Variants in CYP4B1 observed in about 807,000 individuals in gnomAD.
CYP4B1 encodes cytochrome P450 4B1.
A neutral mutation model predicts 54.0 loss-of-function variants in CYP4B1; 45 were observed. The observed-to-expected ratio is 0.83, with a 90% CI of 0.66 to 1.07. The LOEUF is 1.07. Ranked by LOEUF, CYP4B1 falls within the 50% of genes least tolerant of loss-of-function variation. The pLI is 0.00. For missense variants in CYP4B1, 656 were observed against 655.4 expected (o/e 1.00, Z -0.01); for synonymous variants, 248 against 247.5 (o/e 1.00, Z -0.02).
intron 8 of CYP4B1, among the ~76,000 whole-genome samples, chr1:46,816,321 A>G (rs1405027297): frequency 1.3e-5 from 2 of 152,156 alleles, no homozygotes; most frequent in Non-Finnish European, 1.5e-5. Context: ...AATTCAGGCA[A>G]AGAGAGAGAG....
At position 46,799,276 on chromosome 1, in the gene CYP4B1, G is replaced by T; in HGVS notation, c.180+15G>T. The T allele has an allele frequency of 6.4e-7, 1 of 1,563,530 alleles. No homozygotes were observed. Among genetic ancestry groups the T allele is most frequent in the East Asian group, 2.4e-5 (1 of 42,414 alleles). On this transcript the variant is annotated intron_variant, in intron 1 of 11. Transcript: ENST00000371923. ...ATGCCCTCGAGGTATGTGGAGGTCG[G>T]GAGGGTGGGGGAGAAAGAAAACATC...
intron 1 of CYP4B1, among the ~76,000 whole-genome samples, chr1:46,808,683 G>A (rs965394079): frequency 7.3e-5 from 11 of 150,678 alleles, no homozygotes; most frequent in Non-Finnish European, 1.5e-4. Context: ...TGTTTATTGC[G>A]GCATTATTCA....
At chr1:46,807,973 G>A (rs1678927100) in intron 1 of CYP4B1, among the ~76,000 whole-genome samples, 1 of 152,218 alleles carries the variant, frequency 6.6e-6, no homozygotes, top group South Asian at 2.1e-4. Flanking sequence ...CTGAGACTGG[G>A]TAAAAGGTTT....
intron 1 of CYP4B1, among the ~76,000 whole-genome samples, chr1:46,804,798 C>T (rs533842985): frequency 6.6e-6 from 1 of 152,212 alleles, no homozygotes; most frequent in Admixed American, 6.5e-5. Context: ...TTTTGAGAAG[C>T]AGATTGTGGC....
Position 46,818,774 on chromosome 1 carries a change from A to C in CYP4B1, c.1499A>C (p.His500Pro), listed in dbSNP as rs1354849650. 1 of 1,613,762 alleles carries C rather than the reference A, an allele frequency of 6.2e-7. No homozygotes were observed. Among genetic ancestry groups the C allele is most frequent in the Non-Finnish European group, 8.5e-7 (1 of 1,179,990 alleles). Residue 500 changes from histidine to proline, a missense_variant, in exon 12 of 12, where the codon CAC (histidine) becomes CCC (proline). Physicochemically the swap from His to Pro is moderately conservative, Grantham distance 77 (BLOSUM62 -2). Coordinates refer to ENST00000371923, the MANE Select transcript of CYP4B1 (RefSeq NM_001099772.2). ...QLVLRSKNGFHLHLKPLGPGS... is the reference protein window; with the variant it reads ...QLVLRSKNGFPLHLKPLGPGS... ...GTCCTGCGCTCCAAGAATGGCTTTC[A>C]CCTCCACCTGAAGCCACTGGGCCCT...
intron 4 of CYP4B1, 26 bp downstream of exon 4, chr1:46,812,649 G>A (rs1476332319): frequency 6.2e-7 from 1 of 1,607,874 alleles, no homozygotes. Flanking sequence ...CAGAGTACTG[G>A]AGGCTGTTGC....
At chr1:46,810,761 G>C (rs772217400) in intron 1 of CYP4B1, 47 bp from the exon 2 acceptor site, 36 of 1,611,070 alleles carry the variant, frequency 2.2e-5, no homozygotes, top group Admixed American at 1.7e-5. Context: ...GGCCTAGCTG[G>C]TGACAATGTG....
chr1:46,814,686 A>C, intron 7 of CYP4B1: 1 of 330,676 alleles, frequency 3.0e-6, no homozygotes, highest in South Asian at 4.4e-5. Context: ...ACTCTGGGTC[A>C]TTTCCGTGCT....
chr1:46,808,697 T>C (rs921166587), intron 1 of CYP4B1, among the ~76,000 whole-genome samples: 2 of 151,124 alleles, frequency 1.3e-5, no homozygotes, highest in African/African-American at 2.4e-5. Context: ...TTATTCACAA[T>C]AGCAAAGACT....
chr1:46,808,002 C>G (rs1381921417), intron 1 of CYP4B1, among the ~76,000 whole-genome samples: 1 of 152,218 alleles, frequency 6.6e-6, no homozygotes, highest in Non-Finnish European at 1.5e-5. Context: ...CACAGTTCCA[C>G]AGGCTGTACA....
chr1:46,817,266 T>G (rs541584961), intron 9 of CYP4B1, 85 bp downstream of exon 9: 42 of 1,554,212 alleles, frequency 2.7e-5, no homozygotes, highest in Admixed American at 3.6e-5. Context: ...ATCTTTGCAC[T>G]TTTGGGGAAG....
intron 11 of CYP4B1, among the ~76,000 whole-genome samples, chr1:46,818,422 C>A (rs1679424322): frequency 6.6e-6 from 1 of 152,150 alleles, no homozygotes; most frequent in Non-Finnish European, 1.5e-5. Context: ...CAAGAGAGAA[C>A]CCCATGCCAG....
intron 8 of CYP4B1, among the ~76,000 whole-genome samples, 194 bp from the exon 9 acceptor site, chr1:46,816,854 G>A (rs1235874255): frequency 6.6e-6 from 1 of 152,172 alleles, no homozygotes; most frequent in Admixed American, 6.5e-5. Context: ...ATGGAGAAAA[G>A]TGGAACCAGA....
chr1:46,815,320 C>T, intron 8 of CYP4B1, 56 bp downstream of exon 8: 4 of 1,460,462 alleles, frequency 2.7e-6, no homozygotes, highest in Non-Finnish European at 3.7e-6. Context: ...AGGGCGATGC[C>T]CATCCTGTCC....
In CYP4B1 at chr1:46,814,049, C is replaced by T. The variant is rs760285398; in HGVS notation, c.761C>T (p.Ala254Val). Residue 254 changes from alanine (A) to valine (V), a missense_variant, in exon 6 of 12, where the codon GCC becomes GTC. Transcript: ENST00000371923. ...GRRFLRACQV[A>V]HDHTDQVIRE... ...CGCTTCCTGCGGGCCTGCCAGGTGG[C>T]CCATGACCATACAGGTGGGCCTTTC... 6.2e-7 allele frequency: 1 copy of T among 1,614,110 alleles called. No individual in the cohort carries two copies. Among genetic ancestry groups the T allele is most frequent in the South Asian group, 1.1e-5 (1 of 91,078 alleles).
In CYP4B1 at chr1:46,799,128, G is replaced by A. The variant is rs1164911847; in HGVS notation, c.47G>A (p.Trp16Ter). The stretch of plus-strand genomic sequence containing the variant: ...CTGAGCTTCTCCTCCTTGGGCCTGT[G>A]GGCTTCTGGGCTGATCTTGGTCTTA... The part of the protein sequence containing the change: ...LSLSFSSLGL[W>*]ASGLILVLGF... Residue 16 changes from tryptophan (W) to a stop codon, truncating the protein, a stop_gained, in exon 1 of 12, where the codon TGG becomes TAG. Transcript: ENST00000371923. LOFTEE classifies it high-confidence loss of function. 1 of 1,613,832 alleles carries A rather than the reference G, an allele frequency of 6.2e-7. No homozygotes were observed. Among genetic ancestry groups the A allele is most frequent in the Non-Finnish European group, 8.5e-7 (1 of 1,179,974 alleles).
chr1:46,809,144 A>AC (rs1678987446), intron 1 of CYP4B1, among the ~76,000 whole-genome samples: 5 of 147,182 alleles, frequency 3.4e-5, no homozygotes, highest in Admixed American at 3.4e-4. Flanking sequence ...AAACAAACAA[A>AC]AAACAAAAAA....
At position 46,814,286 on chromosome 1, in the gene CYP4B1, G is replaced by A. The variant is rs750642727; in HGVS notation, c.853G>A (p.Asp285Asn). 16 of 1,613,964 alleles carry A rather than the reference G, an allele frequency of 9.9e-6. No individual in the cohort carries two copies. The highest frequency in any genetic ancestry group is 1.3e-5 in the Non-Finnish European group (15 of 1,180,010). ...RKKIQNRRHL[D>N]FLDILLGARD... ...GAAGATCCAGAACCGGAGGCACCTGGACTTCCTGGACATTCTCCTGGGTGC... is the reference window on the plus strand; with the variant it reads ...GAAGATCCAGAACCGGAGGCACCTGAACTTCCTGGACATTCTCCTGGGTGC... Residue 285 changes from aspartate (D) to asparagine (N), a missense_variant, in exon 7 of 12, where the codon GAC becomes AAC. Asp to Asn is a conservative substitution (Grantham distance 23). Coordinates refer to ENST00000371923, the MANE Select transcript of CYP4B1 (RefSeq NM_001099772.2).
rs1215578899 is a variant in CYP4B1 at position 46,818,692 on chromosome 1, C to T, written c.1417C>T (p.Leu473Phe). Residue 473 changes from leucine (L) to phenylalanine (F), a missense_variant, in exon 12 of 12, where the codon CTC becomes TTC. Physicochemically the swap from Leu to Phe is conservative, Grantham distance 22. Transcript: ENST00000371923. ...GAAGGTGGTCACAGCCATGTGCTTG[C>T]TCCGCTTTGAGTTCTCTCTGGACCC... ...EMKVVTAMCLLRFEFSLDPSR... is the reference protein window; with the variant it reads ...EMKVVTAMCLFRFEFSLDPSR... The T allele has an allele frequency of 6.2e-7, 1 of 1,614,198 alleles. No homozygotes were observed. Among genetic ancestry groups the T allele is most frequent in the Admixed American group, 1.7e-5 (1 of 60,030 alleles).
Sources: gnomAD v4.1 joint callset for allele counts (sites outside exome capture counted in the v4.1 genomes callset) on GRCh38, gnomAD v4.1.1 for gene constraint, MANE v1.5 for transcripts, NCBI Gene and HGNC (gene_info 2026-07-23, HGNC 2026-07-21) for gene names.